The following NOS1 variants were observed in gnomAD, a reference collection of about 807,000 sequenced individuals.
The protein encoded by NOS1 is nitric oxide synthase 1, also known as NOS type I.
A neutral mutation model predicts 164.5 loss-of-function variants in NOS1; 51 were observed. The observed-to-expected ratio is 0.31, with a 90% confidence interval of 0.25 to 0.39. The LOEUF (loss-of-function observed/expected upper bound fraction) is 0.39, where lower values mean the gene tolerates loss of function less well. NOS1 is among the 10% of genes least tolerant of loss of function. The pLI, the probability that NOS1 is intolerant of heterozygous loss-of-function variation, is 1.00. For missense variants in NOS1, 1,362 were observed against 1,885.6 expected (o/e 0.72, Z 5.14); for synonymous variants, 719 against 745.8 (o/e 0.96, Z 0.59).
chr12:117,222,497 A>G (rs1347307059), intron 26 of NOS1, among the ~76,000 whole-genome samples: 1 of 151,906 alleles, frequency 6.6e-6, no homozygotes, highest in Non-Finnish European at 1.5e-5. Context: ...CAAGTGATCC[A>G]CCTGCCTTGG....
rs758152332 is a variant in NOS1 at position 117,227,593 on chromosome 12, C to T, written c.3454G>A (p.Val1152Met). 26 of 1,613,908 alleles carry T rather than the reference C, an allele frequency of 1.6e-5. No homozygotes were observed. The highest frequency in any genetic ancestry group is 4.5e-5 in the East Asian group (2 of 44,890). The change falls in exon 23 of 29, where the codon GTG becomes ATG. Residue 1152 changes from valine to methionine, a missense_variant. Coordinates refer to ENST00000317775, the MANE Select transcript of NOS1 (RefSeq NM_000620.5). The part of the protein sequence containing the change: ...EWKWGKNPTI[V>M]EVLEEFPSIQ... ...GATGGGAACTCCTCCAGCACCTCCA[C>T]GATGGTGGGGTTCTTGCCCCATTTC...
At chr12:117,264,869 A>T (rs921439200) in intron 12 of NOS1, among the ~76,000 whole-genome samples, 1 of 151,794 alleles carries the variant, frequency 6.6e-6, no homozygotes, top group African/African-American at 2.4e-5. Flanking sequence ...CGCCAGGCTA[A>T]TTTTTTGTAT....
intron 2 of NOS1, among the ~76,000 whole-genome samples, chr12:117,315,354 C>A (rs1197108073): frequency 6.6e-6 from 1 of 152,068 alleles, no homozygotes; most frequent in African/African-American, 2.4e-5. Flanking sequence ...TAGGTACACA[C>A]CACCACACCC....
chr12:117,322,227 C>CTCT (rs1874985788), intron 2 of NOS1, among the ~76,000 whole-genome samples: 2 of 134,182 alleles, frequency 1.5e-5, no homozygotes, highest in Non-Finnish European at 3.2e-5. Flanking sequence ...TCTTTCCTTC[C>CTCT]TTCCCTTCCT....
At chr12:117,226,448 G>A (rs1419874368) in intron 24 of NOS1, among the ~76,000 whole-genome samples, 1 of 152,032 alleles carries the variant, frequency 6.6e-6, no homozygotes, top group Non-Finnish European at 1.5e-5. Context: ...CCCAGTACAC[G>A]CCCAAATGAA....
At chr12:117,316,178 A>G (rs1874657967) in intron 2 of NOS1, among the ~76,000 whole-genome samples, 1 of 152,152 alleles carries the variant, frequency 6.6e-6, no homozygotes, top group Admixed American at 6.5e-5. Context: ...GAAACCTATT[A>G]ATGTCTCCAA....
intron 8 of NOS1, among the ~76,000 whole-genome samples, chr12:117,279,660 TTTCCAGAGATGGAGCGAGA>T (rs1194724377): frequency 6.6e-6 from 1 of 152,194 alleles, no homozygotes; most frequent in Non-Finnish European, 1.5e-5. Context: ...CTCAGCAAGG[TTTCCAGAGATGGAGCGAGA>T]GGAAGAGGTT....
At chr12:117,287,592 C>T (rs1566060012) in intron 5 of NOS1, among the ~76,000 whole-genome samples, 2 of 152,192 alleles carry the variant, frequency 1.3e-5, no homozygotes, top group Admixed American at 6.5e-5. Flanking sequence ...GTGTGCACCA[C>T]CATGCCCTAC....
rs371501172 is a variant in NOS1 at position 117,255,843 on chromosome 12, T to C, written c.2532-2089A>G. On this transcript the variant is annotated intron_variant, in intron 16 of 28. Transcript: ENST00000317775. ...AGCTCAGGTTAGAACTCGGATCTCC[T>C]TGAGACCTAGATGTGTGGCCTGGGA... is the stretch of plus-strand genomic sequence containing the variant. 46 of 710,742 alleles carry C rather than the reference T, an allele frequency of 6.5e-5. No homozygotes were observed. The African/African-American group carries it at 7.9e-4, about 12-fold the overall frequency. The allele number at this position is 710,742 out of a possible 1,614,324, so 44.0% of individuals were successfully genotyped here.
At position 117,212,450 on chromosome 12, in the gene NOS1, C is replaced by G; in HGVS notation, c.*2859G>C. On this transcript the variant is annotated 3_prime_UTR_variant, in exon 29 of 29. Coordinates refer to ENST00000317775, the MANE Select transcript of NOS1 (RefSeq NM_000620.5). ...CCAGGGAAACCAAAAGAAGCCCTCT[C>G]TCCTCCCAAGGAGTTTAACATCATC... The G allele has an allele frequency of 1.0e-6, 1 of 985,442 alleles. No homozygotes were observed. Among genetic ancestry groups the G allele is most frequent in the East Asian group, 1.1e-4 (1 of 8,800 alleles). 61.0% of individuals were successfully genotyped at this position (985,442 alleles called of 1,614,324 possible). A position where few individuals can be genotyped will look rare whatever the true frequency, so the allele number is the denominator to read the frequency against.
intron 10 of NOS1, among the ~76,000 whole-genome samples, chr12:117,268,929 T>C (rs1023726305): frequency 2.0e-5 from 3 of 152,102 alleles, no homozygotes; most frequent in Non-Finnish European, 4.4e-5. Context: ...TTGGACTAGG[T>C]ATGAAATAAA....
intron 9 of NOS1, 31 bp downstream of exon 9, chr12:117,277,928 C>T (rs969639255): frequency 1.3e-6 from 2 of 1,591,726 alleles, no homozygotes; most frequent in African/African-American, 1.3e-5. Context: ...AACCCACTCA[C>T]CCTCTCCCAC....
At position 117,222,499 on chromosome 12, in the gene NOS1, C is replaced by T. The variant is rs961085303; in HGVS notation, c.3975+216G>A. 5.9e-5 allele frequency among the ~76,000 whole-genome samples: 9 copies of T among 152,346 alleles called. 1 individual carries two copies. The highest frequency in any genetic ancestry group is 7.3e-5 in the Non-Finnish European group (5 of 68,032). ...CAACTCCTGACCTCAAGTGATCCAC[C>T]TGCCTTGGCCTCCCAAAGTGTTGGG... On this transcript the variant is annotated intron_variant, in intron 26 of 28. Transcript: ENST00000317775.
At chr12:117,295,989 A>G (rs1873391773) in intron 3 of NOS1, among the ~76,000 whole-genome samples, 1 of 151,734 alleles carries the variant, frequency 6.6e-6, no homozygotes, top group Admixed American at 6.6e-5. Context: ...CACCCTTACC[A>G]TGCTTTGTTT....
intron 22 of NOS1, among the ~76,000 whole-genome samples, chr12:117,228,692 C>T (rs1868915836): frequency 6.6e-6 from 1 of 152,164 alleles, no homozygotes; most frequent in Non-Finnish European, 1.5e-5. Flanking sequence ...GTTTCTGAGA[C>T]CAGGGTGCGA....
At chr12:117,218,246 G>A (rs1956642626) in intron 27 of NOS1, 82 bp from the exon 28 acceptor site, 2 of 957,260 alleles carry the variant, frequency 2.1e-6, no homozygotes, top group Non-Finnish European at 3.4e-6. Flanking sequence ...CTGACACCTG[G>A]AATGGAATAT....
Position 117,232,149 on chromosome 12 carries a change from A to G in NOS1, c.3236-18T>C, listed in dbSNP as rs565174852. The G allele has an allele frequency of 5.6e-6, 9 of 1,611,000 alleles. No homozygotes were observed. The East Asian group carries it at 1.8e-4, about 32-fold the overall frequency. The stretch of plus-strand genomic sequence containing the variant: ...GATGACACCTGTGGAGGTACAAGGC[A>G]GGTGACAGGTGGGTGTGGGAGGGCT... On this transcript the variant is annotated intron_variant, in intron 21 of 28. Coordinates refer to ENST00000317775, the MANE Select transcript of NOS1 (RefSeq NM_000620.5).
chr12:117,231,882 TG>T, intron 22 of NOS1, 79 bp downstream of exon 22: 2 of 1,421,864 alleles, frequency 1.4e-6, no homozygotes, highest in Non-Finnish European at 1.9e-6. Flanking sequence ...GCTGGAAGCC[TG>T]GTAATAACAG....
At position 117,330,344 on chromosome 12, in the gene NOS1, C is replaced by A. The variant is rs746279518; in HGVS notation, c.725+1G>T. On this transcript the variant is annotated splice_donor_variant, in intron 2 of 28. Transcript: ENST00000317775. LOFTEE classifies it high-confidence loss of function. The surrounding 1 kb of genome is among the most constrained non-coding windows in gnomAD (Gnocchi z 4.6). ...CACACACACACCCCTGTGGAGCTTA[C>A]CTGTCCACCTGGATTCCCATATCTT... The A allele has an allele frequency of 6.2e-7, 1 of 1,607,496 alleles. No individual in the cohort carries two copies. Among genetic ancestry groups the A allele is most frequent in the Non-Finnish European group, 8.5e-7 (1 of 1,176,552 alleles).
Sources: allele counts gnomAD v4.1 joint callset (sites outside exome capture counted in the v4.1 genomes callset), GRCh38; gene constraint gnomAD v4.1.1; non-coding constraint Gnocchi (gnomAD v3.1); transcripts MANE v1.5; gene names NCBI Gene and HGNC (gene_info 2026-07-23, HGNC 2026-07-21).